PHKB: variants seen among roughly 807,000 people sequenced by gnomAD.
PHKB encodes the protein phosphorylase kinase regulatory subunit beta, also known as phosphorylase b kinase regulatory subunit beta.
PHKB carries 122 observed loss-of-function variants against 152.1 expected under a neutral mutation model. That is an observed-to-expected ratio of 0.80 (90% CI 0.69 to 0.93). The LOEUF is 0.93. PHKB is among the 40% of genes least tolerant of loss of function. The pLI is 0.00. For missense variants in PHKB, 1,304 were observed against 1,328.4 expected (o/e 0.98, Z 0.29); for synonymous variants, 436 against 464.9 (o/e 0.94, Z 0.80).
intron 14 of PHKB, among the ~76,000 whole-genome samples, chr16:47,639,673 GT>G (rs1419874683): frequency 6.6e-6 from 1 of 152,148 alleles, no homozygotes; most frequent in Non-Finnish European, 1.5e-5. Flanking sequence ...GAAGATTCCA[GT>G]TTGCCAATTA....
At chr16:47,503,222 A>T (rs940652085) in intron 4 of PHKB, 132 bp downstream of exon 4, 3 of 715,850 alleles carry the variant, frequency 4.2e-6, no homozygotes, top group Non-Finnish European at 7.5e-6. Flanking sequence ...CGGCCTAGAT[A>T]GGTTAACAGC....
chr16:47,530,430 G>A (rs1970842595), intron 6 of PHKB, among the ~76,000 whole-genome samples: 1 of 152,148 alleles, frequency 6.6e-6, no homozygotes, highest in Admixed American at 6.5e-5. Context: ...GGGATTACAG[G>A]GGAAAGCCAC....
At chr16:47,678,885 A>G (rs1224456938) in intron 26 of PHKB, among the ~76,000 whole-genome samples, 3 of 152,252 alleles carry the variant, frequency 2.0e-5, no homozygotes, top group Middle Eastern at 6.8e-3. Context: ...GTTTTCTTCT[A>G]GGGTTTTTAT....
In PHKB at chr16:47,696,426, C is replaced by T. The variant is rs1974147898; in HGVS notation, c.2941C>T (p.Leu981Phe). The T allele has an allele frequency of 6.2e-7, 1 of 1,611,924 alleles. No individual in the cohort carries two copies. Reference protein sequence around the residue: ...DMTMYEMNFSLLVEDTLGNID... With the variant: ...DMTMYEMNFSFLVEDTLGNID... ...GACCATGTATGAGATGAATTTCTCT[C>T]TCCTTGTTGAAGACACGTTGGGAAA... Residue 981 changes from leucine to phenylalanine, a missense_variant, in exon 29 of 31, where the codon CTC (leucine) becomes TTC (phenylalanine). Coordinates refer to ENST00000323584, the MANE Select transcript of PHKB (RefSeq NM_000293.3).
chr16:47,677,075 A>G (rs1327121888), intron 26 of PHKB, among the ~76,000 whole-genome samples: 3 of 152,212 alleles, frequency 2.0e-5, no homozygotes, highest in African/African-American at 7.2e-5. Context: ...GCAGACTATA[A>G]CATTGCTTAT....
At chr16:47,552,099 C>T (rs985482064) in intron 7 of PHKB, among the ~76,000 whole-genome samples, 2 of 152,154 alleles carry the variant, frequency 1.3e-5, no homozygotes, top group African/African-American at 4.8e-5. Flanking sequence ...TATTTTGAGC[C>T]TATGTGTCTT....
intron 26 of PHKB, among the ~76,000 whole-genome samples, chr16:47,681,218 G>A (rs976050934): frequency 6.6e-6 from 1 of 151,988 alleles, no homozygotes; most frequent in Non-Finnish European, 1.5e-5. Context: ...AATAGGTGTG[G>A]TGTGGTGTTG....
chr16:47,508,835 C>G (rs920000935), intron 4 of PHKB, among the ~76,000 whole-genome samples: 2 of 152,128 alleles, frequency 1.3e-5, no homozygotes, highest in African/African-American at 4.8e-5. Flanking sequence ...ACAGCATGCC[C>G]CATTAATCTT....
chr16:47,504,282 G>C lies in PHKB; in HGVS notation c.405+1192G>C, dbSNP rs910482486. Among the ~76,000 whole-genome samples the C allele has an allele frequency of 3.9e-5, 6 of 152,216 alleles. No homozygotes were observed. The South Asian group carries it at 6.2e-4, about 16-fold the overall frequency. ...TAACATATGTAAAATGTCTGTCAGGGAAGTTCAATAGAAGCTTGAGATTTT... is the reference window on the plus strand; with the variant it reads ...TAACATATGTAAAATGTCTGTCAGGCAAGTTCAATAGAAGCTTGAGATTTT... On this transcript the variant is annotated intron_variant, in intron 4 of 30. Transcript: ENST00000323584.
intron 13 of PHKB, among the ~76,000 whole-genome samples, chr16:47,600,391 C>T (rs377028266): frequency 8.5e-5 from 13 of 152,202 alleles, no homozygotes; most frequent in Admixed American, 3.3e-4. Flanking sequence ...TAAGACGTAT[C>T]TTAAGATATA....
At chr16:47,554,968 C>T (rs184532851) in intron 7 of PHKB, among the ~76,000 whole-genome samples, 1 of 152,336 alleles carries the variant, frequency 6.6e-6, no homozygotes, top group African/African-American at 2.4e-5. Flanking sequence ...ATTTGGCCAT[C>T]TTGCCAGACT....
intron 6 of PHKB, among the ~76,000 whole-genome samples, chr16:47,520,263 G>A (rs1465297451): frequency 6.6e-6 from 1 of 152,178 alleles, no homozygotes; most frequent in Non-Finnish European, 1.5e-5. Context: ...AAAATTATAT[G>A]TAGCAATAGT....
intron 20 of PHKB, among the ~76,000 whole-genome samples, chr16:47,653,353 C>T (rs774214637): frequency 1.3e-5 from 2 of 152,112 alleles, no homozygotes; most frequent in Non-Finnish European, 2.9e-5. Flanking sequence ...AGCCTTTTGT[C>T]TCTCAAAAAT....
intron 13 of PHKB, among the ~76,000 whole-genome samples, chr16:47,605,842 T>G (rs1972313715): frequency 1.3e-5 from 2 of 152,192 alleles, no homozygotes; most frequent in African/African-American, 2.4e-5. Flanking sequence ...TCACCTATGT[T>G]ATGTAGAATG....
chr16:47,526,503 T>G (rs1970770158), intron 6 of PHKB, among the ~76,000 whole-genome samples: 1 of 152,020 alleles, frequency 6.6e-6, no homozygotes, highest in Non-Finnish European at 1.5e-5. Context: ...CCTGTAATCA[T>G]ATAGCTGGTT....
chr16:47,578,919 G>C (rs528869685), intron 7 of PHKB, among the ~76,000 whole-genome samples: 54 of 152,128 alleles, frequency 3.5e-4, no homozygotes, highest in African/African-American at 1.2e-3. Flanking sequence ...CCTTTGGCTA[G>C]AGAGACAGGC....
chr16:47,530,868 A>G (rs1970850366), intron 6 of PHKB, among the ~76,000 whole-genome samples: 1 of 152,256 alleles, frequency 6.6e-6, no homozygotes, highest in Non-Finnish European at 1.5e-5. Context: ...AAAGATACTG[A>G]TTCTTGCTAT....
chr16:47,655,279 G>A (rs374709780), intron 20 of PHKB, among the ~76,000 whole-genome samples: 19 of 152,028 alleles, frequency 1.2e-4, no homozygotes, highest in South Asian at 1.0e-3. Flanking sequence ...ACCTCACATC[G>A]TACACCAAAA....
rs145158469 is a variant in PHKB at position 47,504,863 on chromosome 16, C to G, written c.405+1773C>G. Among the ~76,000 whole-genome samples the G allele has an allele frequency of 1.0e-3, 155 of 152,370 alleles. 2 individuals are homozygous for G. The East Asian group carries it at 0.027, about 26-fold the overall frequency. On this transcript the variant is annotated intron_variant, in intron 4 of 30. Coordinates refer to ENST00000323584, the MANE Select transcript of PHKB (RefSeq NM_000293.3). ...TCTCCAGTCCCCTGAGGGTGCACCA[C>G]TGGCCCATCTCACCCAGGGCGGTGC...
Sources: allele counts gnomAD v4.1 joint callset (sites outside exome capture counted in the v4.1 genomes callset), GRCh38; gene constraint gnomAD v4.1.1; transcripts MANE v1.5; gene names NCBI Gene and HGNC (gene_info 2026-07-23, HGNC 2026-07-21).